The following EDEM3 variants were observed in gnomAD, a reference collection of about 807,000 sequenced individuals.
EDEM3 encodes the protein ER degradation enhancing alpha-mannosidase like protein 3.
A neutral mutation model predicts 110.2 loss-of-function variants in EDEM3; 60 were observed. The observed-to-expected ratio is 0.54, with a 90% confidence interval of 0.44 to 0.67. EDEM3 has a LOEUF of 0.67. Among genes scored for constraint, EDEM3 ranks in the 30% least tolerant of loss-of-function variants. The pLI, the probability that EDEM3 is intolerant of heterozygous loss-of-function variation, is 0.00. For missense variants in EDEM3, 996 were observed against 1,121.0 expected, an observed-to-expected ratio of 0.89 and a Z score of 1.59; for synonymous variants, 352 against 382.9, an observed-to-expected ratio of 0.92 and a Z score of 0.94.
At chr1:184,711,494 TAA>T in intron 15 of EDEM3, among the ~76,000 whole-genome samples, 1 of 152,298 alleles carries the variant, frequency 6.6e-6, no homozygotes, top group South Asian at 2.1e-4. Context: ...GTTCATAAAA[TAA>T]AAGATATATT....
At chr1:184,722,981 C>T (rs1036192125) in intron 8 of EDEM3, among the ~76,000 whole-genome samples, 3 of 151,862 alleles carry the variant, frequency 2.0e-5, no homozygotes, top group Admixed American at 1.3e-4. Context: ...AATATTCCAA[C>T]GCTGATGTAA....
chr1:184,691,769 C>T lies in EDEM3; in HGVS notation c.*2294G>A, dbSNP rs1649074912. On this transcript the variant is annotated 3_prime_UTR_variant, in exon 20 of 20. Coordinates refer to ENST00000318130, the MANE Select transcript of EDEM3 (RefSeq NM_025191.4). ...CGAACATTATCTCCTCTTTTCTTAA[C>T]TAGGGAAATATTGAGTATAATTCCT... The T allele has an allele frequency of 6.6e-6, 1 of 152,028 alleles. No homozygotes were observed. Among genetic ancestry groups the T allele is most frequent in the South Asian group, 2.1e-4 (1 of 4,832 alleles). The allele number at this position is 152,028 out of a possible 1,614,324, so 9.4% of individuals were successfully genotyped here. A position where few individuals can be genotyped will look rare whatever the true frequency, so the allele number is the denominator to read the frequency against.
Position 184,702,835 on chromosome 1 carries a change from G to C in EDEM3, c.2365C>G (p.Leu789Val). 6.2e-7 allele frequency: 1 copy of C among 1,606,498 alleles called. No homozygotes were observed. Among genetic ancestry groups the C allele is most frequent in the Non-Finnish European group, 8.5e-7 (1 of 1,177,152 alleles). The change falls in exon 19 of 20, where the codon CTC (leucine) becomes GTC (valine). Residue 789 changes from leucine (L) to valine (V), a missense_variant. This residue lies in a region of EDEM3 where 345 missense variants were observed against 402.0 expected (regional missense o/e 0.86). Transcript: ENST00000318130. ...CCTCGATCTTTTGCTTTATCAGAGA[G>C]GAGCACTTCTACCTCCTCATATTCC... is the stretch of plus-strand genomic sequence containing the variant. ...IREYEEVEVL[L>V]SDKAKDRDPE...
intron 2 of EDEM3, 50 bp from the exon 3 acceptor site, chr1:184,737,761 C>T: frequency 6.7e-7 from 1 of 1,492,262 alleles, no homozygotes; most frequent in Admixed American, 1.7e-5. Context: ...CGAAAGCACA[C>T]ATCATTTTGA....
Position 184,694,017 on chromosome 1 carries a change from G to A in EDEM3, c.*46C>T. On this transcript the variant is annotated 3_prime_UTR_variant, in exon 20 of 20. Transcript: ENST00000318130. ...TTAGGATGTCTATTAACCACACACA[G>A]TTTACCTTTTCTTTTTAAATACCTA... 2 of 1,568,314 alleles carry A rather than the reference G, an allele frequency of 1.3e-6. No homozygotes were observed. Among genetic ancestry groups the A allele is most frequent in the Non-Finnish European group, 1.7e-6 (2 of 1,157,382 alleles).
Position 184,719,498 on chromosome 1 carries a change from A to G in EDEM3, c.1022T>C (p.Met341Thr), listed in dbSNP as rs1286597528. Residue 341 changes from methionine to threonine, a missense_variant, in exon 10 of 20, where the codon ATG becomes ACG. Around this residue, in one of 5 missense-constraint regions of EDEM3, gnomAD observed 310 missense variants for 394.6 expected, o/e 0.79. Coordinates refer to ENST00000318130, the MANE Select transcript of EDEM3 (RefSeq NM_025191.4). Reference sequence around the variant, plus strand: ...ATCCATCCAAGTCCGAGCATTCAGCATTGGTTTGTGGATATGCACATCAAG... The same window carrying G: ...ATCCATCCAAGTCCGAGCATTCAGCGTTGGTTTGTGGATATGCACATCAAG... ...LLLDVHIHKPMLNARTWMDAL... is the reference protein window; with the variant it reads ...LLLDVHIHKPTLNARTWMDAL... 4 of 1,613,948 alleles carry G rather than the reference A, an allele frequency of 2.5e-6. No homozygotes were observed. Among genetic ancestry groups the G allele is most frequent in the Non-Finnish European group, 2.5e-6 (3 of 1,180,004 alleles).
chr1:184,694,299 C>T lies in EDEM3; in HGVS notation c.2563G>A (p.Ala855Thr), dbSNP rs759438611. 5 of 1,613,236 alleles carry T rather than the reference C, an allele frequency of 3.1e-6. No individual in the cohort carries two copies. The South Asian group carries it at 3.3e-5, about 11-fold the overall frequency. The change falls in exon 20 of 20, where the codon GCT (alanine) becomes ACT (threonine). Residue 855 changes from alanine to threonine, a missense_variant. Ala to Thr is a moderately conservative substitution (Grantham distance 58, BLOSUM62 0). This residue lies in a region of EDEM3 where 345 missense variants were observed against 402.0 expected (regional missense o/e 0.86). Transcript: ENST00000318130. Reference sequence around the variant, plus strand: ...TGTTCAGAAGGGGAAATGCTTGCAGCATTGTCCATATCTGCTAGAGATAAT... The same window carrying T: ...TGTTCAGAAGGGGAAATGCTTGCAGTATTGTCCATATCTGCTAGAGATAAT... ...ESLSLADMDN[A>T]ASISPSEQTS... is the part of the protein sequence containing the mutation.
rs931222049 is a variant in EDEM3, at chr1:184,705,207, T to C, written c.2203+1436A>G. ...AACATTAATGCATAAATTCTACACT[T>C]TATACTTTACATTTTCATTTTGAAG... On this transcript the variant is annotated intron_variant, in intron 18 of 19. Transcript: ENST00000318130. Among the ~76,000 whole-genome samples, 5 of 152,178 alleles carry C rather than the reference T, an allele frequency of 3.3e-5. No homozygotes were observed. The South Asian group carries it at 6.2e-4, about 19-fold the overall frequency.
At chr1:184,727,293 C>T (rs1651244226) in intron 6 of EDEM3, among the ~76,000 whole-genome samples, 1 of 152,018 alleles carries the variant, frequency 6.6e-6, no homozygotes, top group African/African-American at 2.4e-5. Context: ...TTTACTATTA[C>T]AATATGAATC....
chr1:184,748,768 A>G (rs1350002788), intron 2 of EDEM3, among the ~76,000 whole-genome samples: 3 of 152,232 alleles, frequency 2.0e-5, no homozygotes, highest in African/African-American at 7.2e-5. Flanking sequence ...ATCAGTTGAA[A>G]AATATTTTAA....
intron 2 of EDEM3, among the ~76,000 whole-genome samples, chr1:184,743,592 T>A (rs1652260305): frequency 6.6e-6 from 1 of 152,098 alleles, no homozygotes; most frequent in East Asian, 1.9e-4. Flanking sequence ...CAAAGCAGCA[T>A]CAAAAACTGA....
chr1:184,717,736 C>T, intron 11 of EDEM3, 113 bp from the exon 12 acceptor site: 1 of 635,420 alleles, frequency 1.6e-6, no homozygotes, highest in Non-Finnish European at 2.4e-6. Flanking sequence ...GCAATCAGGA[C>T]ATTTTCATCA....
chr1:184,732,798 G>T (rs768440686), intron 6 of EDEM3, 39 bp downstream of exon 6: 1 of 1,568,758 alleles, frequency 6.4e-7, no homozygotes, highest in East Asian at 2.3e-5. Flanking sequence ...AAACAGCAAA[G>T]AAAGTATATA....
chr1:184,707,697 T>G (rs572483783), intron 17 of EDEM3, among the ~76,000 whole-genome samples: 4 of 152,330 alleles, frequency 2.6e-5, no homozygotes, highest in South Asian at 4.1e-4. Flanking sequence ...GTTACAACTA[T>G]AGAGGATGGA....
intron 15 of EDEM3, 35 bp from the exon 16 acceptor site, chr1:184,710,582 C>T (rs149454208): frequency 6.5e-7 from 1 of 1,544,638 alleles, no homozygotes; most frequent in East Asian, 2.3e-5. Flanking sequence ...GCTTAAAAAA[C>T]TATAAATTAG....
chr1:184,734,434 T>C, intron 5 of EDEM3, 97 bp downstream of exon 5: 1 of 401,416 alleles, frequency 2.5e-6, no homozygotes, highest in Non-Finnish European at 4.0e-6. Context: ...GTCACTGCAC[T>C]CCAGCCTGGG....
intron 19 of EDEM3, among the ~76,000 whole-genome samples, chr1:184,702,167 A>G (rs892656848): frequency 6.6e-6 from 1 of 152,192 alleles, no homozygotes; most frequent in African/African-American, 2.4e-5. Flanking sequence ...AAGGCCTTGC[A>G]TTTATATTGT....
intron 8 of EDEM3, among the ~76,000 whole-genome samples, chr1:184,722,257 A>T (rs1489855215): frequency 6.6e-6 from 1 of 152,032 alleles, no homozygotes. Context: ...GTACATTTAA[A>T]TCAACATATT....
At chr1:184,752,638 T>G (rs1162418682) in intron 1 of EDEM3, among the ~76,000 whole-genome samples, 1 of 152,236 alleles carries the variant, frequency 6.6e-6, no homozygotes, top group Admixed American at 6.5e-5. Context: ...CCAATGACTC[T>G]TTTACAAATA....
Sources: gnomAD v4.1 joint callset for allele counts (sites outside exome capture counted in the v4.1 genomes callset) on GRCh38, gnomAD v4.1.1 for gene constraint, gnomAD v4.1.1 regional missense constraint, MANE v1.5 for transcripts, NCBI Gene and HGNC (gene_info 2026-07-23, HGNC 2026-07-21) for gene names.